The following ATP6V0E2 variants were observed in gnomAD, a reference collection of about 807,000 sequenced individuals.
ATP6V0E2 encodes V-type proton ATPase subunit e 2.
Under a neutral mutation model 11.5 loss-of-function variants are expected in ATP6V0E2, and 4 were observed. That is an observed-to-expected ratio of 0.35 (90% CI 0.17 to 0.80). ATP6V0E2 has a LOEUF of 0.80. ATP6V0E2 is among the 30% of genes least tolerant of loss of function. The pLI, the probability that ATP6V0E2 is intolerant of heterozygous loss-of-function variation, is 0.53. For missense variants in ATP6V0E2, 93 were observed against 113.5 expected, an observed-to-expected ratio of 0.82 and a Z score of 0.82; for synonymous variants, 52 against 51.0, an observed-to-expected ratio of 1.02 and a Z score of -0.09.
At chr7:149,875,552 A>T (rs1158784488) in intron 1 of ATP6V0E2, 46 bp from the exon 2 acceptor site, 1 of 1,607,588 alleles carries the variant, frequency 6.2e-7, no homozygotes, top group Non-Finnish European at 8.5e-7. Flanking sequence ...AGGCCTTGTG[A>T]GGTGCTGGCT....
At chr7:149,876,291 G>A (rs574480401) in intron 2 of ATP6V0E2, among the ~76,000 whole-genome samples, 7 of 152,284 alleles carry the variant, frequency 4.6e-5, no homozygotes, top group East Asian at 1.9e-4. Context: ...CAGGAGAATC[G>A]CTTGAACCCG....
At chr7:149,878,385 A>G (rs556041102) in intron 2 of ATP6V0E2, among the ~76,000 whole-genome samples, 2 of 152,254 alleles carry the variant, frequency 1.3e-5, no homozygotes, top group East Asian at 3.9e-4. Flanking sequence ...AGTCGCTCCC[A>G]AAGCGCCCCT....
At position 149,874,107 on chromosome 7, in the gene ATP6V0E2, C is replaced by T; in HGVS notation, c.42C>T (p.Thr14=). Residue 14 remains threonine, a synonymous_variant, in exon 1 of 4, where the codon ACC becomes ACT. Transcript: ENST00000425642. ...TCGCCCTCCCGGTCATCATCTTCACCACGTTCTGGGGCCTCGTCGGCATCG... is the reference window on the plus strand; with the variant it reads ...TCGCCCTCCCGGTCATCATCTTCACTACGTTCTGGGGCCTCGTCGGCATCG... ...HSFALPVIIF[T]TFWGLVGIAG... The T allele has an allele frequency of 1.9e-6, 3 of 1,550,036 alleles. No individual in the cohort carries two copies. Among genetic ancestry groups the T allele is most frequent in the East Asian group, 4.9e-5 (2 of 40,886 alleles).
At position 149,879,636 on chromosome 7, in the gene ATP6V0E2, C is replaced by T; in HGVS notation, c.*321C>T. On this transcript the variant is annotated 3_prime_UTR_variant, in exon 4 of 4. Coordinates refer to ENST00000425642, the MANE Select transcript of ATP6V0E2 (RefSeq NM_145230.4). ...GGAGCTGGTATGGGTGGGGTCTTTC[C>T]CTTTACAGACGGGGCAGATGCCAGG... 1 of 1,457,282 alleles carries T rather than the reference C, an allele frequency of 6.9e-7. No homozygotes were observed. The highest frequency in any genetic ancestry group is 2.6e-5 in the East Asian group (1 of 38,986). The allele number at this position is 1,457,282 out of a possible 1,614,324, so 90.3% of individuals were successfully genotyped here.
In ATP6V0E2 at chr7:149,880,171, A is replaced by G. The variant is rs1369670350; in HGVS notation, c.*856A>G. ...GGGAAGGGGCAATGTGAGTGGCGCT[A>G]TGGGACGGGCCAGCCCTGCTCCTGA... On this transcript the variant is annotated 3_prime_UTR_variant, in exon 4 of 4. Coordinates refer to ENST00000425642, the MANE Select transcript of ATP6V0E2 (RefSeq NM_145230.4). 1 of 153,210 alleles carries G rather than the reference A, an allele frequency of 6.5e-6. No individual in the cohort carries two copies. The highest frequency in any genetic ancestry group is 1.5e-5 in the Non-Finnish European group (1 of 68,810). 9.5% of individuals were successfully genotyped at this position (153,210 alleles called of 1,614,324 possible).
rs1255946929 is a variant in ATP6V0E2, at chr7:149,880,339, C to T, written c.*1024C>T. ...CCTTGCCCTCACGCTTACCCGAGCT[C>T]CCAGTGTGGTTAGCACAGAGCTCAC... On this transcript the variant is annotated 3_prime_UTR_variant, in exon 4 of 4. Transcript: ENST00000425642. 1 of 152,470 alleles carries T rather than the reference C, an allele frequency of 6.6e-6. No individual in the cohort carries two copies. The highest frequency in any genetic ancestry group is 1.5e-5 in the Non-Finnish European group (1 of 68,216). 9.4% of individuals were successfully genotyped at this position (152,470 alleles called of 1,614,324 possible).
chr7:149,878,788 C>CA lies in ATP6V0E2; in HGVS notation c.*18dup. ...TGGGAGTGACCCGCCGCCCCCGACC[C>CA]AGGTACTGTGTGGGCGAGGGGTGTG... is the stretch of plus-strand genomic sequence containing the variant. On this transcript the variant is annotated splice_region_variant and 3_prime_UTR_variant, in exon 3 of 4. Coordinates refer to ENST00000425642, the MANE Select transcript of ATP6V0E2 (RefSeq NM_145230.4). 6.2e-7 allele frequency: 1 copy of CA among 1,612,604 alleles called. No homozygotes were observed. The highest frequency in any genetic ancestry group is 1.3e-5 in the African/African-American group (1 of 75,028).
intron 2 of ATP6V0E2, among the ~76,000 whole-genome samples, chr7:149,877,069 T>C (rs1451230904): frequency 6.6e-6 from 1 of 152,220 alleles, no homozygotes; most frequent in African/African-American, 2.4e-5. Flanking sequence ...TATTGATTGA[T>C]TGATTGAAAT....
chr7:149,875,853 T>G (rs1586094745), intron 2 of ATP6V0E2: 1 of 684,804 alleles, frequency 1.5e-6, no homozygotes, highest in Non-Finnish European at 2.6e-6. Context: ...GATCTGGCTC[T>G]GCCCCCAGAG....
intron 3 of ATP6V0E2, 77 bp downstream of exon 3, chr7:149,878,867 C>A: frequency 4.4e-6 from 1 of 225,526 alleles, no homozygotes; most frequent in Non-Finnish European, 6.8e-6. Context: ...AGGCCTCGGT[C>A]ATATTATTTT....
intron 2 of ATP6V0E2, among the ~76,000 whole-genome samples, chr7:149,878,477 C>G (rs926194615): frequency 2.6e-5 from 4 of 152,180 alleles, no homozygotes; most frequent in African/African-American, 9.6e-5. Context: ...CAAATGAAAC[C>G]AAAACCAAAC....
rs1335048046 is a variant in ATP6V0E2 at position 149,879,394 on chromosome 7, C to T, written c.*79C>T. The T allele has an allele frequency of 1.3e-6, 2 of 1,597,722 alleles. No homozygotes were observed. The highest frequency in any genetic ancestry group is 4.6e-5 in the East Asian group (2 of 43,666). On this transcript the variant is annotated 3_prime_UTR_variant, in exon 4 of 4. Transcript: ENST00000425642. ...TCCCTGACAACCCCTTCGTCCGGAC[C>T]CTCCCCCACACAACTATGTCTGGTC... is the stretch of plus-strand genomic sequence containing the variant.
chr7:149,873,947 T>G (rs948613156), upstream of ATP6V0E2: 7 of 1,541,312 alleles, frequency 4.5e-6, no homozygotes, highest in Non-Finnish European at 6.1e-6. Flanking sequence ...GCCCGGCTGA[T>G]CGCTTCGGGT....
intron 3 of ATP6V0E2, chr7:149,879,089 T>G (rs941444807): frequency 1.0e-5 from 14 of 1,390,176 alleles, no homozygotes; most frequent in African/African-American, 2.9e-5. Context: ...TCAACTCCCT[T>G]CCTGCCTGGC....
intron 2 of ATP6V0E2, among the ~76,000 whole-genome samples, chr7:149,878,091 G>T (rs2128948956): frequency 6.6e-6 from 1 of 152,358 alleles, no homozygotes; most frequent in South Asian, 2.1e-4. Context: ...AAATGAAGTT[G>T]GGAGCTTTGT....
intron 3 of ATP6V0E2, chr7:149,879,127 G>T: frequency 7.2e-7 from 1 of 1,398,382 alleles, no homozygotes; most frequent in African/African-American, 1.4e-5. Context: ...GATGAAATGG[G>T]AACCATGCTC....
Position 149,878,782 on chromosome 7 carries a change from C to G in ATP6V0E2, c.*11C>G. ...TTCCTGTGGGAGTGACCCGCCGCCCCCGACCCAGGTACTGTGTGGGCGAGG... is the reference window on the plus strand; with the variant it reads ...TTCCTGTGGGAGTGACCCGCCGCCCGCGACCCAGGTACTGTGTGGGCGAGG... On this transcript the variant is annotated 3_prime_UTR_variant, in exon 3 of 4. Coordinates refer to ENST00000425642, the MANE Select transcript of ATP6V0E2 (RefSeq NM_145230.4). 6.2e-7 allele frequency: 1 copy of G among 1,612,796 alleles called. No individual in the cohort carries two copies. Among genetic ancestry groups the G allele is most frequent in the Non-Finnish European group, 8.5e-7 (1 of 1,179,802 alleles).
chr7:149,874,058 G>C lies in ATP6V0E2; in HGVS notation c.-8G>C. ...CCTGCATCCTGCCTGGGCATCCTGC[G>C]CCCGGCCATGACGGCGCACTCATTC... On this transcript the variant is annotated 5_prime_UTR_variant, in exon 1 of 4. Transcript: ENST00000425642. The C allele has an allele frequency of 6.5e-7, 1 of 1,549,870 alleles. No individual in the cohort carries two copies. The highest frequency in any genetic ancestry group is 8.7e-7 in the Non-Finnish European group (1 of 1,146,622).
chr7:149,879,038 A>G (rs1041336849), intron 3 of ATP6V0E2: 2 of 1,346,448 alleles, frequency 1.5e-6, no homozygotes, highest in African/African-American at 1.4e-5. Context: ...TCAGGCATCT[A>G]TTTATTTCAT....
Sources: gnomAD v4.1 joint callset for allele counts (sites outside exome capture counted in the v4.1 genomes callset) on GRCh38, gnomAD v4.1.1 for gene constraint, MANE v1.5 for transcripts, NCBI Gene and HGNC (gene_info 2026-07-23, HGNC 2026-07-21) for gene names.